The following SYNPR variants were observed in gnomAD, a reference collection of about 807,000 sequenced individuals.
SYNPR encodes the protein synaptoporin.
In SYNPR, 23 loss-of-function variants were observed where a neutral mutation model predicts 32.9. The observed-to-expected ratio is 0.70, with a 90% CI of 0.50 to 0.99. The LOEUF (loss-of-function observed/expected upper bound fraction) is 0.99, where lower values mean the gene tolerates loss of function less well. Ranked by LOEUF, SYNPR falls within the 50% of genes least tolerant of loss-of-function variation. The probability of loss-of-function intolerance (pLI) is 0.00; values close to 1 mark genes in which losing one functional copy is unlikely to be tolerated. For missense variants in SYNPR, 318 were observed against 349.3 expected (o/e 0.91, Z 0.71); for synonymous variants, 146 against 135.9 (o/e 1.07, Z -0.52).
intron 2 of SYNPR, among the ~76,000 whole-genome samples, chr3:63,442,383 C>A (rs7623778): frequency 0.2 from 30,871 of 152,052 alleles, 3,398 homozygotes; most frequent in South Asian, 0.37. Flanking sequence ...GAGTGGGGAC[C>A]CAAAGTAGGG....
intron 4 of SYNPR, among the ~76,000 whole-genome samples, chr3:63,579,668 G>A (rs745944924): frequency 6.6e-6 from 1 of 151,966 alleles, no homozygotes; most frequent in East Asian, 1.9e-4. Flanking sequence ...TTGACTTTTT[G>A]TTGTTTCTGT....
intron 2 of SYNPR, among the ~76,000 whole-genome samples, chr3:63,451,281 A>T (rs1700376627): frequency 6.6e-6 from 1 of 152,102 alleles, no homozygotes; most frequent in Non-Finnish European, 1.5e-5. Flanking sequence ...GCCCTCGATG[A>T]GTGCTTGAGG....
intron 2 of SYNPR, among the ~76,000 whole-genome samples, chr3:63,416,177 A>G (rs949067756): frequency 6.6e-6 from 1 of 152,186 alleles, no homozygotes; most frequent in African/African-American, 2.4e-5. Flanking sequence ...ATTTCATTCT[A>G]TTTATATGTG....
chr3:63,414,912 T>C (rs2088519983), intron 2 of SYNPR, among the ~76,000 whole-genome samples: 1 of 152,170 alleles, frequency 6.6e-6, no homozygotes, highest in African/African-American at 2.4e-5. Flanking sequence ...TATACTTTCG[T>C]TTTATCTCTA....
At chr3:63,327,879 A>G (rs970438654) in intron 2 of SYNPR, among the ~76,000 whole-genome samples, 3 of 152,074 alleles carry the variant, frequency 2.0e-5, no homozygotes, top group Non-Finnish European at 4.4e-5. Flanking sequence ...AAATTCATTG[A>G]GCTGTTTTAC....
In SYNPR at chr3:63,501,510, AAAAAG is replaced by A. The variant is rs796454936; in HGVS notation, c.209+20564_209+20568del. ...TCCCCCAACCAAAAAAAAAAAAAAA[AAAAAG>A]AAAAGAAAAAGAAAAAATAATAGAA... On this transcript the variant is annotated intron_variant, in intron 3 of 5. Coordinates refer to ENST00000478300, the MANE Select transcript of SYNPR (RefSeq NM_001130003.2). Among the ~76,000 whole-genome samples, 168 of 99,536 alleles carry A rather than the reference AAAAAG, an allele frequency of 1.7e-3. 3 individuals carry two copies. Among genetic ancestry groups the A allele is most frequent in the African/African-American group, 3.2e-3 (73 of 23,120 alleles). 65.3% of individuals were successfully genotyped at this position (99,536 alleles called of 152,430 possible). A position where few individuals can be genotyped will look rare whatever the true frequency, so the allele number is the denominator to read the frequency against.
intron 2 of SYNPR, among the ~76,000 whole-genome samples, chr3:63,339,512 CCTAT>C (rs1269138987): frequency 6.6e-6 from 1 of 152,104 alleles, no homozygotes; most frequent in Non-Finnish European, 1.5e-5. Context: ...ACACAATCCA[CCTAT>C]CTTTTTCAGA....
intron 2 of SYNPR, among the ~76,000 whole-genome samples, chr3:63,412,845 C>T (rs138389866): frequency 3.9e-4 from 60 of 152,232 alleles, no homozygotes; most frequent in African/African-American, 1.4e-3. Context: ...TGAAGCATTT[C>T]GTGCAAGGGG....
chr3:63,269,528 T>C (rs1301664888), intron 3 of SYNPR, among the ~76,000 whole-genome samples: 1 of 152,072 alleles, frequency 6.6e-6, no homozygotes, highest in Admixed American at 6.6e-5. Context: ...TCCTAGAATT[T>C]ATGTAACAGC....
intron 2 of SYNPR, among the ~76,000 whole-genome samples, chr3:63,361,888 G>A (rs1459476708): frequency 6.6e-6 from 1 of 152,002 alleles, no homozygotes. Flanking sequence ...GCCTTATGGG[G>A]CAACTCCTGA....
At chr3:63,597,391 A>T (rs143565834) in intron 4 of SYNPR, among the ~76,000 whole-genome samples, 17 of 152,336 alleles carry the variant, frequency 1.1e-4, no homozygotes, top group African/African-American at 3.6e-4. Flanking sequence ...ACATAGGTAT[A>T]CCATTGCTTA....
At chr3:63,365,204 A>G (rs2087716684) in intron 2 of SYNPR, among the ~76,000 whole-genome samples, 1 of 152,314 alleles carries the variant, frequency 6.6e-6, no homozygotes. Context: ...GTTCAACTGT[A>G]TAATTTGTAA....
chr3:63,317,063 A>G (rs1237971453), intron 2 of SYNPR, among the ~76,000 whole-genome samples: 1 of 149,742 alleles, frequency 6.7e-6, no homozygotes, highest in African/African-American at 2.4e-5. Context: ...TTTGGAGTTG[A>G]TTTCCAGTTT....
intron 3 of SYNPR, among the ~76,000 whole-genome samples, chr3:63,484,613 G>T (rs1447567862): frequency 2.0e-5 from 3 of 150,254 alleles, no homozygotes; most frequent in African/African-American, 4.9e-5. Flanking sequence ...TTATTGCAAG[G>T]GTACAATGTG....
At chr3:63,555,848 A>T (rs965692251) in intron 3 of SYNPR, among the ~76,000 whole-genome samples, 2 of 152,218 alleles carry the variant, frequency 1.3e-5, no homozygotes, top group African/African-American at 4.8e-5. Flanking sequence ...AAGTAATCAA[A>T]TTCATTACCA....
Position 63,480,975 on chromosome 3 carries a change from T to A in SYNPR, c.209+19T>A. On this transcript the variant is annotated intron_variant, in intron 3 of 5. Coordinates refer to ENST00000478300, the MANE Select transcript of SYNPR (RefSeq NM_001130003.2). ...CATTCAGGTAGGGAATGGTGGTTCA[T>A]GCTTGTTAGCCTCACAGGGGGTTAT... The A allele has an allele frequency of 6.2e-7, 1 of 1,607,122 alleles. No individual in the cohort carries two copies. Among genetic ancestry groups the A allele is most frequent in the Non-Finnish European group, 8.5e-7 (1 of 1,175,410 alleles).
chr3:63,461,901 A>G (rs566760803), intron 2 of SYNPR, among the ~76,000 whole-genome samples: 1 of 152,176 alleles, frequency 6.6e-6, no homozygotes, highest in East Asian at 1.9e-4. Flanking sequence ...GGAACATAGT[A>G]AATGCTCCCC....
At chr3:63,442,274 G>A (rs7623821) in intron 2 of SYNPR, among the ~76,000 whole-genome samples, 32,423 of 151,426 alleles carry the variant, frequency 0.21, 3,706 homozygotes, top group South Asian at 0.4. Context: ...GACAGAGAGA[G>A]GGACCTCAAA....
intron 2 of SYNPR, among the ~76,000 whole-genome samples, chr3:63,469,404 T>A (rs1329814814): frequency 6.6e-6 from 1 of 152,122 alleles, no homozygotes; most frequent in Non-Finnish European, 1.5e-5. Context: ...AGTTAAGGTA[T>A]CTATCATCAC....
Sources: gnomAD v4.1 joint callset for allele counts (sites outside exome capture counted in the v4.1 genomes callset) on GRCh38, gnomAD v4.1.1 for gene constraint, MANE v1.5 for transcripts, NCBI Gene and HGNC (gene_info 2026-07-23, HGNC 2026-07-21) for gene names.